The following CEP128 variants were observed in gnomAD, a reference collection of about 807,000 sequenced individuals.
The protein encoded by CEP128 is centrosomal protein 128kDa.
Under a neutral mutation model 156.7 loss-of-function variants are expected in CEP128, and 132 were observed. That is an observed-to-expected ratio of 0.84 (90% CI 0.73 to 0.97). The LOEUF (loss-of-function observed/expected upper bound fraction) is 0.97. Among genes scored for constraint, CEP128 ranks in the 50% least tolerant of loss-of-function variants. The pLI is 0.00. For missense variants in CEP128, 1,252 were observed against 1,281.9 expected, an observed-to-expected ratio of 0.98 and a Z score of 0.36; for synonymous variants, 469 against 448.9, an observed-to-expected ratio of 1.04 and a Z score of -0.57.
At chr14:80,700,502 C>T (rs1164852149) in intron 19 of CEP128, among the ~76,000 whole-genome samples, 1 of 151,944 alleles carries the variant, frequency 6.6e-6, no homozygotes, top group African/African-American at 2.4e-5. Context: ...GAATAATACA[C>T]ATCTATCACG....
At chr14:80,777,775 T>TTCCC (rs10683361) in intron 16 of CEP128, 107 bp downstream of exon 16, 38,284 of 891,378 alleles carry the variant, frequency 0.043, 1,158 homozygotes, top group Admixed American at 0.074. Flanking sequence ...CCAATACAAC[T>TTCCC]TCCCTGTGAA....
chr14:80,683,450 A>G (rs555541857), intron 19 of CEP128, among the ~76,000 whole-genome samples: 3 of 152,292 alleles, frequency 2.0e-5, no homozygotes, highest in African/African-American at 7.2e-5. Context: ...ACCACCCAAC[A>G]TTGAAGCATC....
rs537151254 is a variant in CEP128 at position 80,902,397 on chromosome 14, A to T, written c.481-2368T>A. Among the ~76,000 whole-genome samples, 120 of 152,330 alleles carry T rather than the reference A, an allele frequency of 7.9e-4. 1 individual carries two copies. The South Asian group carries it at 0.024, about 30-fold the overall frequency. ...AGCAAGGTGCAACTATCAAAAAAAT[A>T]ACATAGTCAAGGAAAAGTTTCCACA... On this transcript the variant is annotated intron_variant, in intron 6 of 24. Transcript: ENST00000555265.
chr14:80,794,083 A>T (rs1163595912), intron 13 of CEP128, among the ~76,000 whole-genome samples: 1 of 152,170 alleles, frequency 6.6e-6, no homozygotes, highest in Non-Finnish European at 1.5e-5. Flanking sequence ...AAAGTAACAT[A>T]AAAAGGTCAT....
intron 21 of CEP128, among the ~76,000 whole-genome samples, chr14:80,558,597 AT>A: frequency 6.6e-6 from 1 of 150,448 alleles, no homozygotes; most frequent in East Asian, 2.0e-4. Flanking sequence ...CAATTTTTGT[AT>A]TTTTAGTAGA....
chr14:80,929,657 C>A (rs376940512), intron 2 of CEP128, among the ~76,000 whole-genome samples: 34 of 152,184 alleles, frequency 2.2e-4, no homozygotes, highest in African/African-American at 6.7e-4. Context: ...CAAGTGGGAG[C>A]TAAGCTATGA....
In CEP128 at chr14:80,515,481, C is replaced by T. The variant is rs138371161; in HGVS notation, c.3073-10461G>A. Among the ~76,000 whole-genome samples, 1,283 of 152,280 alleles carry T rather than the reference C, an allele frequency of 8.4e-3. 3 individuals are homozygous for T. The highest frequency in any genetic ancestry group is 0.014 in the Non-Finnish European group (934 of 68,030). On this transcript the variant is annotated intron_variant, in intron 23 of 24. Transcript: ENST00000555265. Reference sequence around the variant, plus strand: ...AGTCTCTCTCTGTGACCACCATAGCCCCAGGCCCATGATGAGTACTGCCTG... The same window carrying T: ...AGTCTCTCTCTGTGACCACCATAGCTCCAGGCCCATGATGAGTACTGCCTG...
chr14:80,705,979 A>C (rs974939729), intron 19 of CEP128, among the ~76,000 whole-genome samples: 1 of 152,140 alleles, frequency 6.6e-6, no homozygotes, highest in Admixed American at 6.6e-5. Flanking sequence ...GTTGTGTTGT[A>C]CCACAAGCAG....
intron 19 of CEP128, among the ~76,000 whole-genome samples, chr14:80,601,003 A>G (rs1892557845): frequency 6.6e-6 from 1 of 152,112 alleles, no homozygotes; most frequent in Admixed American, 6.6e-5. Flanking sequence ...ATATATGAAG[A>G]AGATTATACA....
chr14:80,563,043 C>A lies in CEP128; in HGVS notation c.2857-3741G>T, dbSNP rs533583079. Among the ~76,000 whole-genome samples the A allele has an allele frequency of 2.6e-5, 4 of 152,238 alleles. No homozygotes were observed. In the South Asian group the frequency reaches 6.2e-4, roughly 24 times the overall value. On this transcript the variant is annotated intron_variant, in intron 20 of 24. Transcript: ENST00000555265. The stretch of plus-strand genomic sequence containing the variant: ...ATGTCCTAGAATGAACATATAATTA[C>A]AACAAAATAAATTATATCTCCATAA...
At chr14:80,818,693 G>C (rs1188441844) in intron 13 of CEP128, among the ~76,000 whole-genome samples, 2 of 152,188 alleles carry the variant, frequency 1.3e-5, no homozygotes, top group Non-Finnish European at 2.9e-5. Context: ...ATAGTTTCTT[G>C]CTTCCCTTAA....
At chr14:80,478,513 G>A (rs1023462597) in intron 14 of CEP128, 26 of 152,182 alleles carry the variant, frequency 1.7e-4, no homozygotes, top group Non-Finnish European at 7.3e-5. Flanking sequence ...GGATTCTGAA[G>A]CAACATATAC....
intron 19 of CEP128, among the ~76,000 whole-genome samples, chr14:80,719,934 T>A (rs527465575): frequency 6.6e-6 from 1 of 152,124 alleles, no homozygotes; most frequent in Admixed American, 6.5e-5. Flanking sequence ...CATGAGCATA[T>A]ATATGCAAAT....
At chr14:80,708,248 A>C (rs1308117396) in intron 19 of CEP128, among the ~76,000 whole-genome samples, 1 of 152,154 alleles carries the variant, frequency 6.6e-6, no homozygotes, top group Non-Finnish European at 1.5e-5. Flanking sequence ...AGGGGAATTG[A>C]AGAGTCAAAA....
intron 2 of CEP128, among the ~76,000 whole-genome samples, chr14:80,939,036 C>T (rs1156569472): frequency 2.0e-5 from 3 of 152,160 alleles, no homozygotes; most frequent in Admixed American, 6.5e-5. Flanking sequence ...TAACCTGAGA[C>T]TCAACTGTCT....
intron 4 of CEP128, among the ~76,000 whole-genome samples, chr14:80,913,308 T>C (rs945141731): frequency 1.3e-5 from 2 of 152,222 alleles, no homozygotes; most frequent in African/African-American, 4.8e-5. Flanking sequence ...ATTCATACTA[T>C]GGAATACGGT....
At chr14:80,775,184 T>C (rs1900724245) in intron 16 of CEP128, among the ~76,000 whole-genome samples, 1 of 152,230 alleles carries the variant, frequency 6.6e-6, no homozygotes, top group South Asian at 2.1e-4. Flanking sequence ...GGTATTATTA[T>C]GCCCATTTGA....
chr14:80,482,238 C>T (rs964024269), intron 14 of CEP128, among the ~76,000 whole-genome samples: 2 of 152,144 alleles, frequency 1.3e-5, no homozygotes, highest in African/African-American at 4.8e-5. Context: ...TTTTAGTAGT[C>T]ACTGATTGGT....
At chr14:80,603,025 T>C (rs1019251925) in intron 19 of CEP128, among the ~76,000 whole-genome samples, 1 of 152,172 alleles carries the variant, frequency 6.6e-6, no homozygotes, top group African/African-American at 2.4e-5. Flanking sequence ...AGTGTGCTTA[T>C]TAAGGAGGAC....
Sources: gnomAD v4.1 joint callset for allele counts (sites outside exome capture counted in the v4.1 genomes callset) on GRCh38, gnomAD v4.1.1 for gene constraint, MANE v1.5 for transcripts, NCBI Gene and HGNC (gene_info 2026-07-23, HGNC 2026-07-21) for gene names.